KCND2: variants seen among roughly 807,000 people sequenced by gnomAD.
KCND2 encodes the protein potassium voltage-gated channel subfamily D member 2, also known as A-type voltage-gated potassium channel KCND2.
KCND2 carries 16 observed loss-of-function variants against 54.4 expected under a neutral mutation model. That is an observed-to-expected ratio of 0.29 (90% CI 0.20 to 0.45). The LOEUF (loss-of-function observed/expected upper bound fraction) is 0.45, where lower values mean the gene tolerates loss of function less well. KCND2 is among the 20% of genes least tolerant of loss of function. The pLI is 1.00. For missense variants in KCND2, 486 were observed against 824.2 expected, an observed-to-expected ratio of 0.59 and a Z score of 5.02; for synonymous variants, 317 against 310.7, an observed-to-expected ratio of 1.02 and a Z score of -0.21.
intron 1 of KCND2, among the ~76,000 whole-genome samples, chr7:120,634,919 G>T (rs145577032): frequency 6.6e-6 from 1 of 152,200 alleles, no homozygotes; most frequent in Non-Finnish European, 1.5e-5. Flanking sequence ...CCAAGGTTCT[G>T]CCTCACACCA....
intron 1 of KCND2, among the ~76,000 whole-genome samples, chr7:120,357,498 A>G (rs188144650): frequency 8.5e-5 from 13 of 152,288 alleles, no homozygotes; most frequent in African/African-American, 2.9e-4. Flanking sequence ...CCTACATGCA[A>G]TAATCTTATG....
At position 120,641,754 on chromosome 7, in the gene KCND2, CT is replaced by C. The variant is rs5886998; in HGVS notation, c.1116-91133del. ...TTATTAAAACTTTTCCAAGCATATTCTTTTTTTTTTTTTTTTGCACATTTGA... is the reference window on the plus strand; with the variant it reads ...TTATTAAAACTTTTCCAAGCATATTCTTTTTTTTTTTTTTTGCACATTTGA... On this transcript the variant is annotated intron_variant, in intron 1 of 5. Transcript: ENST00000331113. 6.9e-3 allele frequency among the ~76,000 whole-genome samples: 896 copies of C among 129,878 alleles called. 7 individuals are homozygous for C. The highest frequency in any genetic ancestry group is 0.021 in the East Asian group (98 of 4,570). The allele number at this position is 129,878 out of a possible 152,430, so 85.2% of individuals were successfully genotyped here.
At chr7:120,317,747 T>C (rs1799833944) in intron 1 of KCND2, among the ~76,000 whole-genome samples, 1 of 152,178 alleles carries the variant, frequency 6.6e-6, no homozygotes. Flanking sequence ...CTTTAGAGAT[T>C]ATTGCTTCTG....
chr7:120,338,477 A>G (rs1396604253), intron 1 of KCND2, among the ~76,000 whole-genome samples: 1 of 152,048 alleles, frequency 6.6e-6, no homozygotes, highest in Non-Finnish European at 1.5e-5. Context: ...TAATGTGAAG[A>G]TAGATTTTTT....
At chr7:120,310,031 C>G (rs962004124) in intron 1 of KCND2, among the ~76,000 whole-genome samples, 2 of 152,178 alleles carry the variant, frequency 1.3e-5, no homozygotes, top group African/African-American at 4.8e-5. Flanking sequence ...CCTTTCCTGA[C>G]TCCCTCAAGA....
At chr7:120,378,211 G>T (rs560030695) in intron 1 of KCND2, among the ~76,000 whole-genome samples, 3 of 151,866 alleles carry the variant, frequency 2.0e-5, no homozygotes, top group African/African-American at 7.2e-5. Flanking sequence ...TATATGCAAT[G>T]GTTTAAAATT....
chr7:120,517,402 G>A (rs2116341349), intron 1 of KCND2, among the ~76,000 whole-genome samples: 1 of 152,076 alleles, frequency 6.6e-6, no homozygotes, highest in Non-Finnish European at 1.5e-5. Flanking sequence ...CATAGCTAAA[G>A]TTCAAGTAAT....
At chr7:120,725,735 A>G (rs1176901483) in intron 1 of KCND2, among the ~76,000 whole-genome samples, 2 of 152,220 alleles carry the variant, frequency 1.3e-5, no homozygotes, top group African/African-American at 2.4e-5. Flanking sequence ...ACAATATTTA[A>G]CATCGATACT....
intron 1 of KCND2, among the ~76,000 whole-genome samples, chr7:120,336,148 C>T (rs1444921286): frequency 6.6e-6 from 1 of 152,070 alleles, no homozygotes; most frequent in Admixed American, 6.5e-5. Context: ...AGTAACCAAA[C>T]GCACTGCTCA....
chr7:120,358,393 T>G (rs564346486), intron 1 of KCND2, among the ~76,000 whole-genome samples: 1 of 152,318 alleles, frequency 6.6e-6, no homozygotes, highest in African/African-American at 2.4e-5. Context: ...TGGATTGATG[T>G]GAAACTAAAA....
intron 1 of KCND2, among the ~76,000 whole-genome samples, chr7:120,624,348 T>C (rs1195989365): frequency 2.0e-5 from 3 of 152,194 alleles, no homozygotes; most frequent in Admixed American, 6.5e-5. Context: ...CTTTCCTGGA[T>C]TTAGCCATCT....
intron 1 of KCND2, among the ~76,000 whole-genome samples, chr7:120,423,452 TCACTC>T (rs1388118506): frequency 2.3e-4 from 35 of 152,362 alleles, no homozygotes; most frequent in Admixed American, 5.9e-4. Context: ...AAATTAATTG[TCACTC>T]CACATCTTCA....
intron 1 of KCND2, among the ~76,000 whole-genome samples, chr7:120,424,757 A>G (rs1801676549): frequency 6.6e-6 from 1 of 152,238 alleles, no homozygotes; most frequent in Non-Finnish European, 1.5e-5. Context: ...AATATGAAGC[A>G]TAAAAACTAA....
chr7:120,275,838 C>G, intron 1 of KCND2, 91 bp downstream of exon 1: 4 of 1,384,630 alleles, frequency 2.9e-6, no homozygotes, highest in Non-Finnish European at 4.0e-6. Flanking sequence ...CCGGGGAAAT[C>G]ATTTGTTTTC....
At chr7:120,487,239 T>C (rs941483856) in intron 1 of KCND2, among the ~76,000 whole-genome samples, 3 of 152,106 alleles carry the variant, frequency 2.0e-5, no homozygotes, top group African/African-American at 7.2e-5. Flanking sequence ...AGATTTTTTT[T>C]TAAAAAAAGA....
intron 1 of KCND2, among the ~76,000 whole-genome samples, chr7:120,622,334 T>C (rs1342838950): frequency 6.6e-6 from 1 of 152,132 alleles, no homozygotes; most frequent in Non-Finnish European, 1.5e-5. Flanking sequence ...TTTGGATTCA[T>C]AGGATTCACT....
chr7:120,448,273 T>C (rs980104191), intron 1 of KCND2, among the ~76,000 whole-genome samples: 2 of 147,044 alleles, frequency 1.4e-5, no homozygotes, highest in African/African-American at 5.0e-5. Context: ...AATGAGAACA[T>C]GCAGTGTTTG....
At chr7:120,403,562 T>G (rs530240572) in intron 1 of KCND2, among the ~76,000 whole-genome samples, 1 of 150,554 alleles carries the variant, frequency 6.6e-6, no homozygotes, top group East Asian at 2.0e-4. Context: ...ACTTCTGACC[T>G]CAAATGATCC....
At position 120,512,815 on chromosome 7, in the gene KCND2, T is replaced by G. The variant is rs567374850; in HGVS notation, c.1116-220088T>G. ...GTTTCTTTTTTCTTTTTTTTTTTTT[T>G]TGGAGACAGATTCTTGCTCTGTCTC... On this transcript the variant is annotated intron_variant, in intron 1 of 5. Coordinates refer to ENST00000331113, the MANE Select transcript of KCND2 (RefSeq NM_012281.3). 2.0e-5 allele frequency among the ~76,000 whole-genome samples: 3 copies of G among 151,190 alleles called. No individual in the cohort carries two copies. The East Asian group carries it at 5.8e-4, about 29-fold the overall frequency.
Sources: gnomAD v4.1 joint callset for allele counts (sites outside exome capture counted in the v4.1 genomes callset) on GRCh38, gnomAD v4.1.1 for gene constraint, MANE v1.5 for transcripts, NCBI Gene and HGNC (gene_info 2026-07-23, HGNC 2026-07-21) for gene names.